Variants in PRDM4 observed in about 807,000 individuals in gnomAD.
PRDM4 encodes PR/SET domain 4, also known as PR domain zinc finger protein 4.
Under a neutral mutation model 62.3 loss-of-function variants are expected in PRDM4, and 38 were observed. The observed-to-expected ratio is 0.61, with a 90% CI of 0.47 to 0.80. The LOEUF (loss-of-function observed/expected upper bound fraction) is 0.80. Ranked by LOEUF, PRDM4 falls within the 30% of genes least tolerant of loss-of-function variation. The pLI, the probability that PRDM4 is intolerant of heterozygous loss-of-function variation, is 0.00. For missense variants in PRDM4, 858 were observed against 997.1 expected (o/e 0.86, Z 1.88); for synonymous variants, 339 against 348.2 (o/e 0.97, Z 0.30).
At chr12:107,755,810 C>T (rs1008174046) in intron 3 of PRDM4, among the ~76,000 whole-genome samples, 3 of 152,230 alleles carry the variant, frequency 2.0e-5, no homozygotes, top group Admixed American at 6.5e-5. Flanking sequence ...TGACGGCTGG[C>T]GCGGTGGCTC....
chr12:107,742,994 TG>T (rs1890570084), intron 8 of PRDM4, among the ~76,000 whole-genome samples: 1 of 152,160 alleles, frequency 6.6e-6, no homozygotes, highest in Non-Finnish European at 1.5e-5. Flanking sequence ...CTCGAACTCC[TG>T]GCCTCAAGCG....
At chr12:107,752,989 G>GA (rs1460337761) in intron 4 of PRDM4, among the ~76,000 whole-genome samples, 1 of 152,156 alleles carries the variant, frequency 6.6e-6, no homozygotes, top group Admixed American at 6.6e-5. Context: ...GGATAATTAT[G>GA]AAAACCACGT....
At chr12:107,756,209 G>A (rs1408682692) in intron 3 of PRDM4, among the ~76,000 whole-genome samples, 2 of 152,110 alleles carry the variant, frequency 1.3e-5, no homozygotes, top group African/African-American at 4.8e-5. Context: ...GCAGTGAGCC[G>A]AGATCGTGCC....
chr12:107,753,564 A>G (rs937289613), intron 4 of PRDM4, among the ~76,000 whole-genome samples: 1 of 152,186 alleles, frequency 6.6e-6, no homozygotes, highest in African/African-American at 2.4e-5. Context: ...TAATACTCCT[A>G]TAACAGAATA....
Position 107,734,498 on chromosome 12 carries a change from C to T in PRDM4, c.2118G>A (p.Lys706=), listed in dbSNP as rs1333285290. Reference sequence around the variant, plus strand: ...TTGTTCTCAAGAACAGCTTATCACACTTGGGACACTTGATCTGGCGTTCTC... The same window carrying T: ...TTGTTCTCAAGAACAGCTTATCACATTTGGGACACTTGATCTGGCGTTCTC... ...HTQERQIKCP[K]CDKLFLRTNH... The change falls in exon 12 of 12, where the codon AAG becomes AAA. Residue 706 remains lysine, a synonymous_variant. Transcript: ENST00000228437. The T allele has an allele frequency of 5.0e-6, 8 of 1,612,500 alleles. No homozygotes were observed. The highest frequency in any genetic ancestry group is 2.7e-5 in the African/African-American group (2 of 74,970).
intron 8 of PRDM4, 90 bp from the exon 9 acceptor site, chr12:107,742,438 G>T: frequency 7.1e-7 from 1 of 1,403,174 alleles, no homozygotes; most frequent in Non-Finnish European, 9.9e-7. Context: ...CTATATGAAA[G>T]CTTAGGCAGA....
rs1433380526 is a variant in PRDM4 at position 107,733,223 on chromosome 12, A to C, written c.*987T>G. The C allele has an allele frequency of 6.6e-6, 1 of 152,264 alleles. No individual in the cohort carries two copies. The highest frequency in any genetic ancestry group is 2.4e-5 in the African/African-American group (1 of 41,464). The allele number at this position is 152,264 out of a possible 1,614,324, so 9.4% of individuals were successfully genotyped here. ...TCTCTGATGAGGTTCCTCAGCACTG[A>C]GACAACTGGGAAGACCTAACTTTGC... On this transcript the variant is annotated 3_prime_UTR_variant, in exon 12 of 12. Transcript: ENST00000228437.
At chr12:107,760,460 G>C in intron 2 of PRDM4, 45 bp downstream of exon 2, 1 of 1,611,242 alleles carries the variant, frequency 6.2e-7, no homozygotes, top group Non-Finnish European at 8.5e-7. Context: ...ACTCGCCAGA[G>C]TTTCCAACGA....
chr12:107,756,835 G>A lies in PRDM4; in HGVS notation c.142C>T (p.Pro48Ser). The A allele has an allele frequency of 6.2e-7, 1 of 1,613,998 alleles. No homozygotes were observed. The highest frequency in any genetic ancestry group is 8.5e-7 in the Non-Finnish European group (1 of 1,179,990). ...ASPTHSAIPA[P>S]GLPVAIPNLG... ...GTAGGTCTCCCTTACCACTCACCTGGGGCAGGGATGGCACTGTGAGTGGGT... is the reference window on the plus strand; with the variant it reads ...GTAGGTCTCCCTTACCACTCACCTGAGGCAGGGATGGCACTGTGAGTGGGT... Residue 48 changes from proline to serine, a missense_variant, in exon 3 of 12, where the codon CCA becomes TCA. Transcript: ENST00000228437.
Position 107,742,594 on chromosome 12 carries a change from A to C in PRDM4, c.1482-246T>G, listed in dbSNP as rs1049558050. ...ACACTACAGTCTGTTATTGGAAGCAAACAAGATAAATAAAATGAAGTCTTT... is the reference window on the plus strand; with the variant it reads ...ACACTACAGTCTGTTATTGGAAGCACACAAGATAAATAAAATGAAGTCTTT... On this transcript the variant is annotated intron_variant, in intron 8 of 11. Coordinates refer to ENST00000228437, the MANE Select transcript of PRDM4 (RefSeq NM_012406.4). 1.1e-4 allele frequency: 52 copies of C among 462,528 alleles called. 1 individual carries two copies. Among genetic ancestry groups the C allele is most frequent in the Non-Finnish European group, 1.9e-4 (50 of 262,916 alleles). The allele number at this position is 462,528 out of a possible 1,614,324, so 28.7% of individuals were successfully genotyped here. A position where few individuals can be genotyped will look rare whatever the true frequency, so the allele number is the denominator to read the frequency against.
intron 8 of PRDM4, 115 bp from the exon 9 acceptor site, chr12:107,742,463 C>G: frequency 8.2e-7 from 1 of 1,221,726 alleles, no homozygotes; most frequent in Admixed American, 2.2e-5. Flanking sequence ...TTTACTATTT[C>G]CTCTGGAATG....
At chr12:107,743,936 G>A (rs1890599711) in intron 7 of PRDM4, among the ~76,000 whole-genome samples, 1 of 151,974 alleles carries the variant, frequency 6.6e-6, no homozygotes, top group Non-Finnish European at 1.5e-5. Context: ...CCAACATGGG[G>A]AAACCCCGTC....
intron 3 of PRDM4, among the ~76,000 whole-genome samples, chr12:107,755,451 A>T (rs530088848): frequency 6.6e-6 from 1 of 152,172 alleles, no homozygotes; most frequent in Non-Finnish European, 1.5e-5. Flanking sequence ...CACTAAAGGG[A>T]ATGCCTACAA....
chr12:107,744,688 C>T (rs781075431), intron 6 of PRDM4, 27 bp from the exon 7 acceptor site: 11 of 1,610,714 alleles, frequency 6.8e-6, no homozygotes, highest in South Asian at 1.1e-5. Flanking sequence ...ACCAACTACA[C>T]AATCAATGAT....
At position 107,751,420 on chromosome 12, in the gene PRDM4, G is replaced by A. The variant is rs1339715491; in HGVS notation, c.1121C>T (p.Thr374Ile). The change falls in exon 5 of 12, where the codon ACA becomes ATA. Residue 374 changes from threonine (T) to isoleucine (I), a missense_variant. By Grantham distance (89) the Thr-to-Ile change is moderately conservative. Around this residue, in one of 3 missense-constraint regions of PRDM4, gnomAD observed 499 missense variants for 546.7 expected, o/e 0.91. Coordinates refer to ENST00000228437, the MANE Select transcript of PRDM4 (RefSeq NM_012406.4). Reference sequence around the variant, plus strand: ...GAAAGGCTAAACACACTCACAAATTGTAAACAAGGTTGCCATGTTCTCCTT... The same window carrying A: ...GAAAGGCTAAACACACTCACAAATTATAAACAAGGTTGCCATGTTCTCCTT... ...SNKENMATLFTIWCTLCDRAY... is the reference protein window; with the variant it reads ...SNKENMATLFIIWCTLCDRAY... 1 of 1,601,628 alleles carries A rather than the reference G, an allele frequency of 6.2e-7. No individual in the cohort carries two copies. Among genetic ancestry groups the A allele is most frequent in the Admixed American group, 1.7e-5 (1 of 59,802 alleles).
Position 107,760,571 on chromosome 12 carries a change from C to T in PRDM4, c.-56G>A, listed in dbSNP as rs376754624. ...CGCTCGGGTGGTGGGGAACAGGCAT[C>T]AGGGTTTGCGTTCCAGGGTCACGTG... On this transcript the variant is annotated 5_prime_UTR_variant, in exon 2 of 12. Coordinates refer to ENST00000228437, the MANE Select transcript of PRDM4 (RefSeq NM_012406.4). 6.2e-7 allele frequency: 1 copy of T among 1,606,892 alleles called. No individual in the cohort carries two copies. The highest frequency in any genetic ancestry group is 8.5e-7 in the Non-Finnish European group (1 of 1,176,088).
At chr12:107,736,764 G>T (rs1219976394) in intron 11 of PRDM4, 2 of 152,272 alleles carry the variant, frequency 1.3e-5, no homozygotes, top group East Asian at 3.9e-4. Flanking sequence ...AGATCAACTG[G>T]GAGGCTACTG....
In PRDM4 at chr12:107,734,294, A is replaced by G. The variant is rs756873434; in HGVS notation, c.2322T>C (p.Asp774=). ...CTTCTGTCCCCACAGAGTCTGCTAG[A>G]TCTTCCTCTTCTGAGTCATCCTCTT... ...EEEEDDSEEE[D]LADSVGTEDC... is the part of the protein sequence containing the mutation. Residue 774 remains aspartate, a synonymous_variant, in exon 12 of 12, where the codon GAT becomes GAC. Transcript: ENST00000228437. 3 of 1,614,172 alleles carry G rather than the reference A, an allele frequency of 1.9e-6. No individual in the cohort carries two copies. The South Asian group carries it at 3.3e-5, about 18-fold the overall frequency.
At position 107,751,860 on chromosome 12, in the gene PRDM4, A is replaced by C. The variant is rs762502773; in HGVS notation, c.681T>G (p.Asn227Lys). Residue 227 changes from asparagine (N) to lysine (K), a missense_variant, in exon 5 of 12, where the codon AAT becomes AAG. Coordinates refer to ENST00000228437, the MANE Select transcript of PRDM4 (RefSeq NM_012406.4). ...GVAGEHSQIPNGSRSHEPLSV... is the reference protein window; with the variant it reads ...GVAGEHSQIPKGSRSHEPLSV... ...ACAGAGGTTCATGACTTCTGGAGCCATTTGGGATTTGGGAATGCTCGCCTG... is the reference window on the plus strand; with the variant it reads ...ACAGAGGTTCATGACTTCTGGAGCCCTTTGGGATTTGGGAATGCTCGCCTG... 4.3e-6 allele frequency: 7 copies of C among 1,614,228 alleles called. No homozygotes were observed. Among genetic ancestry groups the C allele is most frequent in the Non-Finnish European group, 5.9e-6 (7 of 1,180,040 alleles).
Sources: gnomAD v4.1 joint callset for allele counts (sites outside exome capture counted in the v4.1 genomes callset) on GRCh38, gnomAD v4.1.1 for gene constraint, gnomAD v4.1.1 regional missense constraint, MANE v1.5 for transcripts, NCBI Gene and HGNC (gene_info 2026-07-23, HGNC 2026-07-21) for gene names.